CTNNA3: variants seen among roughly 807,000 people sequenced by gnomAD.
The protein encoded by CTNNA3 is catenin alpha-3.
A neutral mutation model predicts 95.7 loss-of-function variants in CTNNA3; 76 were observed. The ratio of observed to expected loss-of-function variants is 0.79; its 90% confidence interval spans 0.66 to 0.96. CTNNA3 has a LOEUF of 0.96. Among genes scored for constraint, CTNNA3 ranks in the 40% least tolerant of loss-of-function variants. CTNNA3 has a pLI of 0.00. For missense variants in CTNNA3, 1,191 were observed against 1,089.8 expected (o/e 1.09, Z -1.31); for synonymous variants, 431 against 374.4 (o/e 1.15, Z -1.74).
At chr10:66,963,469 A>G (rs1326186526) in intron 7 of CTNNA3, among the ~76,000 whole-genome samples, 1 of 152,174 alleles carries the variant, frequency 6.6e-6, no homozygotes, top group Non-Finnish European at 1.5e-5. Context: ...CTTGACAACG[A>G]TTACTTTCCA....
chr10:66,109,127 T>C (rs1268625164), intron 13 of CTNNA3, among the ~76,000 whole-genome samples: 2 of 152,106 alleles, frequency 1.3e-5, no homozygotes, highest in Non-Finnish European at 2.9e-5. Context: ...CCCAGAACAG[T>C]GTTTCAAATC....
intron 9 of CTNNA3, among the ~76,000 whole-genome samples, chr10:66,751,597 T>G (rs1839143867): frequency 6.6e-6 from 1 of 152,212 alleles, no homozygotes; most frequent in African/African-American, 2.4e-5. Flanking sequence ...AATGATGGGC[T>G]AAGTTGCTCA....
At chr10:66,104,322 G>A (rs2081792615) in intron 13 of CTNNA3, among the ~76,000 whole-genome samples, 1 of 152,188 alleles carries the variant, frequency 6.6e-6, no homozygotes, top group African/African-American at 2.4e-5. Flanking sequence ...GCAGCTAATT[G>A]TTGAATTGTC....
At chr10:66,021,805 T>C (rs1268784777) in intron 15 of CTNNA3, among the ~76,000 whole-genome samples, 1 of 147,964 alleles carries the variant, frequency 6.8e-6, no homozygotes, top group Non-Finnish European at 1.5e-5. Flanking sequence ...AAGTAACATA[T>C]CTTTTTTCCC....
chr10:67,357,627 A>C (rs1361783807), intron 5 of CTNNA3, among the ~76,000 whole-genome samples: 1 of 152,068 alleles, frequency 6.6e-6, no homozygotes, highest in African/African-American at 2.4e-5. Context: ...TATAAATATA[A>C]AACCATCATA....
In CTNNA3 at chr10:67,301,956, G is replaced by A. The variant is rs1377903206; in HGVS notation, c.580-82086C>T. ...TGCACCCCAGCCTGGGCGACAGAGC[G>A]AGACTCGTCAAGAAAGAAAAAAGAA... On this transcript the variant is annotated intron_variant, in intron 5 of 17. Transcript: ENST00000433211. Among the ~76,000 whole-genome samples the A allele has an allele frequency of 2.9e-5, 4 of 136,680 alleles. 1 individual carries two copies. Among genetic ancestry groups the A allele is most frequent in the East Asian group, 4.4e-4 (2 of 4,520 alleles). 89.7% of individuals were successfully genotyped at this position (136,680 alleles called of 152,430 possible).
At chr10:66,328,106 C>A (rs1009489868) in intron 12 of CTNNA3, among the ~76,000 whole-genome samples, 1 of 151,904 alleles carries the variant, frequency 6.6e-6, no homozygotes, top group Non-Finnish European at 1.5e-5. Flanking sequence ...GTGATCTCTG[C>A]CAAAAGGTAG....
At chr10:67,720,129 C>CTTTTTTGTTTTTTTTTTTTTTTTT (rs1841170890) in intron 1 of CTNNA3, among the ~76,000 whole-genome samples, 1 of 6,614 alleles carries the variant, frequency 1.5e-4, no homozygotes, top group Non-Finnish European at 3.6e-4. Context: ...GCAACCCCTG[C>CTTTTTTGTTTTTTTTTTTTTTTTT]TTTTTTTTTT....
chr10:67,209,044 T>TTG (rs1050884625), intron 6 of CTNNA3, among the ~76,000 whole-genome samples: 2 of 151,546 alleles, frequency 1.3e-5, no homozygotes, highest in African/African-American at 4.9e-5. Context: ...ATTGTTATTT[T>TTG]TTGTTGTTGT....
chr10:65,938,622 T>C (rs1351602039), intron 17 of CTNNA3, among the ~76,000 whole-genome samples: 1 of 152,172 alleles, frequency 6.6e-6, no homozygotes, highest in Non-Finnish European at 1.5e-5. Context: ...TAGTTAACCT[T>C]TGTGGCTGTG....
At chr10:66,248,894 A>G (rs1047277794) in intron 13 of CTNNA3, among the ~76,000 whole-genome samples, 5 of 152,134 alleles carry the variant, frequency 3.3e-5, no homozygotes, top group Non-Finnish European at 7.4e-5. Flanking sequence ...ATTTCAAATT[A>G]TATTAACACT....
intron 13 of CTNNA3, among the ~76,000 whole-genome samples, chr10:66,111,786 C>G (rs2082130497): frequency 6.6e-6 from 1 of 152,252 alleles, no homozygotes; most frequent in South Asian, 2.1e-4. Context: ...CGCCAGAAAG[C>G]TGGTAGGCTT....
intron 9 of CTNNA3, among the ~76,000 whole-genome samples, chr10:66,698,738 C>G (rs192758173): frequency 6.6e-6 from 1 of 152,020 alleles, no homozygotes; most frequent in African/African-American, 2.4e-5. Flanking sequence ...AGAGATAAAA[C>G]GTGGGGGACA....
chr10:67,116,526 T>G (rs1859197148), intron 7 of CTNNA3, among the ~76,000 whole-genome samples: 1 of 151,712 alleles, frequency 6.6e-6, no homozygotes, highest in Non-Finnish European at 1.5e-5. Flanking sequence ...ATATGTAGAA[T>G]TTTGCCTCTC....
chr10:65,913,380 A>G lies in CTNNA3; in HGVS notation c.*6950T>C, dbSNP rs1248727074. On this transcript the variant is annotated 3_prime_UTR_variant, in exon 18 of 18. Transcript: ENST00000433211. Reference sequence around the variant, plus strand: ...TATTAGGTACTAAATTGGGCATAAAATATGTCTACTTCTGTTTTCAGGAAC... The same window carrying G: ...TATTAGGTACTAAATTGGGCATAAAGTATGTCTACTTCTGTTTTCAGGAAC... 6.6e-6 allele frequency: 1 copy of G among 152,162 alleles called. No homozygotes were observed. The highest frequency in any genetic ancestry group is 1.5e-5 in the Non-Finnish European group (1 of 68,026). The allele number at this position is 152,162 out of a possible 1,614,324, so 9.4% of individuals were successfully genotyped here.
intron 9 of CTNNA3, among the ~76,000 whole-genome samples, chr10:66,707,473 A>G (rs1279471801): frequency 6.6e-6 from 1 of 151,978 alleles, no homozygotes; most frequent in Non-Finnish European, 1.5e-5. Context: ...TGTGTATCAT[A>G]TATAGTATCT....
intron 7 of CTNNA3, among the ~76,000 whole-genome samples, chr10:66,854,806 G>A (rs941749594): frequency 6.6e-6 from 1 of 151,280 alleles, no homozygotes; most frequent in Non-Finnish European, 1.5e-5. Flanking sequence ...TAAATCTAGA[G>A]ACATAGCATG....
chr10:66,052,781 A>G (rs2079988253), intron 15 of CTNNA3, among the ~76,000 whole-genome samples: 1 of 152,140 alleles, frequency 6.6e-6, no homozygotes, highest in Admixed American at 6.5e-5. Context: ...ATGAGAGAGT[A>G]GTTAAAATAT....
intron 13 of CTNNA3, among the ~76,000 whole-genome samples, chr10:66,255,266 A>G (rs2090721929): frequency 6.6e-6 from 1 of 152,178 alleles, no homozygotes; most frequent in South Asian, 2.1e-4. Context: ...GAGTGAGCAA[A>G]GGGAAAAGGG....
Sources: allele counts gnomAD v4.1 joint callset (sites outside exome capture counted in the v4.1 genomes callset), GRCh38; gene constraint gnomAD v4.1.1; transcripts MANE v1.5; gene names NCBI Gene and HGNC (gene_info 2026-07-23, HGNC 2026-07-21).